Variants in PDE4D observed in about 807,000 individuals in gnomAD.
The protein encoded by PDE4D is 3',5'-cyclic-AMP phosphodiesterase 4D.
In PDE4D, 24 loss-of-function variants were observed where a neutral mutation model predicts 87.4. The observed-to-expected ratio is 0.27, with a 90% confidence interval of 0.20 to 0.39. The LOEUF is 0.39. Among genes scored for constraint, PDE4D ranks in the 10% least tolerant of loss-of-function variants. The pLI is 1.00. For synonymous variants in PDE4D, 384 were observed against 383.2 expected (o/e 1.00, Z -0.02); for missense variants, 714 against 1,041.0 (o/e 0.69, Z 4.32).
At chr5:59,099,747 G>A (rs1770411241) in intron 5 of PDE4D, among the ~76,000 whole-genome samples, 1 of 152,120 alleles carries the variant, frequency 6.6e-6, no homozygotes, top group South Asian at 2.1e-4. Flanking sequence ...ATTATACAAA[G>A]GAAGTTTGAA....
chr5:59,181,526 T>A (rs1741531115), intron 4 of PDE4D, among the ~76,000 whole-genome samples: 1 of 118,740 alleles, frequency 8.4e-6, no homozygotes, highest in Non-Finnish European at 1.7e-5. Context: ...CACTTTTAGA[T>A]ACATTCAAAG....
intron 1 of PDE4D, among the ~76,000 whole-genome samples, chr5:59,862,037 C>T (rs531156453): frequency 4.7e-4 from 71 of 152,230 alleles, no homozygotes; most frequent in African/African-American, 1.6e-3. Context: ...TGCTATTGGC[C>T]TCTCTTCTCA....
chr5:59,971,200 AC>A (rs1760710027), intron 3 of PDE4D, among the ~76,000 whole-genome samples: 1 of 99,678 alleles, frequency 1.0e-5, no homozygotes, highest in African/African-American at 3.9e-5. Flanking sequence ...CACTCTGGGG[AC>A]TGTTGTGGGG....
chr5:60,234,083 G>C, intron 1 of PDE4D, among the ~76,000 whole-genome samples: 1 of 151,820 alleles, frequency 6.6e-6, no homozygotes, highest in African/African-American at 2.4e-5. Context: ...TAAAACAACA[G>C]GTCCATTAAC....
At chr5:60,418,436 G>A (rs1304327626) in intron 1 of PDE4D, among the ~76,000 whole-genome samples, 5 of 152,018 alleles carry the variant, frequency 3.3e-5, no homozygotes, top group Non-Finnish European at 7.4e-5. Context: ...ATCAACCACA[G>A]CAACCACAGT....
chr5:59,732,394 T>TCACACACACACACACA (rs71604799), intron 1 of PDE4D, among the ~76,000 whole-genome samples: 1,634 of 146,176 alleles, frequency 0.011, 40 homozygotes, highest in African/African-American at 0.039. Flanking sequence ...CAGGAGACAT[T>TCACACACACACACACA]CACACACACA....
chr5:60,345,505 A>G (rs1758677743), intron 1 of PDE4D, among the ~76,000 whole-genome samples: 1 of 151,494 alleles, frequency 6.6e-6, no homozygotes, highest in South Asian at 2.1e-4. Context: ...AAGAAAATTA[A>G]CTATTTGATG....
At chr5:59,856,709 C>A (rs1745496949) in intron 1 of PDE4D, among the ~76,000 whole-genome samples, 1 of 152,080 alleles carries the variant, frequency 6.6e-6, no homozygotes, top group Non-Finnish European at 1.5e-5. Flanking sequence ...CATGGGGAAG[C>A]AATGCAGAAG....
At chr5:60,291,229 G>A (rs1428368461) in intron 1 of PDE4D, among the ~76,000 whole-genome samples, 1 of 152,128 alleles carries the variant, frequency 6.6e-6, no homozygotes, top group Admixed American at 6.6e-5. Context: ...GAGAAAACAA[G>A]CTAACCATCT....
intron 1 of PDE4D, among the ~76,000 whole-genome samples, chr5:60,379,518 C>CA (rs1411660012): frequency 2.0e-5 from 3 of 152,218 alleles, no homozygotes; most frequent in Non-Finnish European, 4.4e-5. Context: ...TCCTCAGCCA[C>CA]AGACATCTAA....
At chr5:59,747,041 T>C (rs10043283) in intron 1 of PDE4D, among the ~76,000 whole-genome samples, 43,419 of 152,090 alleles carry the variant, frequency 0.29, 7,351 homozygotes, top group South Asian at 0.37. Context: ...CTCATAATTA[T>C]CTTTTCCTCC....
At chr5:60,486,932 G>A (rs1749190300) in intron 1 of PDE4D, among the ~76,000 whole-genome samples, 1 of 152,120 alleles carries the variant, frequency 6.6e-6, no homozygotes, top group Admixed American at 6.5e-5. Context: ...AAATTATTTG[G>A]GAGGAAGAAA....
chr5:59,051,264 T>C (rs1216294167), intron 5 of PDE4D, among the ~76,000 whole-genome samples: 1 of 152,152 alleles, frequency 6.6e-6, no homozygotes, highest in Non-Finnish European at 1.5e-5. Context: ...TTCCAGCTTC[T>C]TGGGAGGCTG....
chr5:60,348,785 G>A (rs1265813055), intron 1 of PDE4D, among the ~76,000 whole-genome samples: 1 of 151,948 alleles, frequency 6.6e-6, no homozygotes, highest in African/African-American at 2.4e-5. Context: ...AACAGAAAAT[G>A]CATACTTTAA....
intron 1 of PDE4D, among the ~76,000 whole-genome samples, chr5:59,704,191 G>A (rs1289307807): frequency 2.6e-5 from 4 of 152,156 alleles, no homozygotes; most frequent in African/African-American, 9.7e-5. Flanking sequence ...ACAATATTAT[G>A]TAGGTGACAA....
intron 1 of PDE4D, among the ~76,000 whole-genome samples, chr5:59,443,588 TTAA>T (rs1413356869): frequency 2.6e-5 from 4 of 152,298 alleles, no homozygotes; most frequent in African/African-American, 7.2e-5. Context: ...ATTGCTATTA[TTAA>T]TAATAAGAGT....
chr5:59,128,462 A>T (rs1775814088), intron 5 of PDE4D, among the ~76,000 whole-genome samples: 1 of 152,198 alleles, frequency 6.6e-6, no homozygotes, highest in African/African-American at 2.4e-5. Flanking sequence ...TAAACCCAGT[A>T]TGCATTCCTA....
rs554790360 is a variant in PDE4D, at chr5:59,068,164, G to C, written c.809-29193C>G. 7.9e-5 allele frequency among the ~76,000 whole-genome samples: 12 copies of C among 152,280 alleles called. No individual in the cohort carries two copies. The South Asian group carries it at 2.5e-3, about 32-fold the overall frequency. ...CACAGCTGACTATTGTGAAGTCTCA[G>C]TATCATTGTTCATAAGTAAAGCTTG... On this transcript the variant is annotated intron_variant, in intron 5 of 14. Coordinates refer to ENST00000340635, the MANE Select transcript of PDE4D (RefSeq NM_001104631.2).
intron 11 of PDE4D, among the ~76,000 whole-genome samples, chr5:58,984,294 AG>A (rs1308153342): frequency 6.6e-6 from 1 of 152,178 alleles, no homozygotes; most frequent in Non-Finnish European, 1.5e-5. Context: ...CATAGCACTT[AG>A]TACCATCACA....
Sources: gnomAD v4.1 joint callset for allele counts (sites outside exome capture counted in the v4.1 genomes callset) on GRCh38, gnomAD v4.1.1 for gene constraint, MANE v1.5 for transcripts, NCBI Gene and HGNC (gene_info 2026-07-23, HGNC 2026-07-21) for gene names.